Variants in EXOSC3 observed in about 807,000 individuals in gnomAD.
EXOSC3 encodes the protein exosome component 3, also known as exosome complex component RRP40.
A neutral mutation model predicts 25.1 loss-of-function variants in EXOSC3; 18 were observed. The observed-to-expected ratio is 0.72, with a 90% CI of 0.50 to 1.06. EXOSC3 has a LOEUF of 1.06. EXOSC3 is among the 50% of genes least tolerant of loss of function. The pLI, the probability that EXOSC3 is intolerant of heterozygous loss-of-function variation, is 0.00. For missense variants in EXOSC3, 382 were observed against 350.9 expected (o/e 1.09, Z -0.71); for synonymous variants, 165 against 132.2 (o/e 1.25, Z -1.70).
intron 2 of EXOSC3, among the ~76,000 whole-genome samples, chr9:37,783,645 A>G: frequency 6.6e-6 from 1 of 152,240 alleles, no homozygotes; most frequent in East Asian, 1.9e-4. Context: ...TGGCGATGAT[A>G]GATACAACCT....
chr9:37,784,707 G>A lies in EXOSC3; in HGVS notation c.324+14C>T. The A allele has an allele frequency of 6.3e-7, 1 of 1,579,854 alleles. No homozygotes were observed. Among genetic ancestry groups the A allele is most frequent in the Non-Finnish European group, 8.6e-7 (1 of 1,166,068 alleles). ...CTCTCACTGCCGCACCACCCCTCCG[G>A]AGTCCCAGCTCACCCGCTTCTGCTG... is the stretch of plus-strand genomic sequence containing the variant. On this transcript the variant is annotated intron_variant, in intron 1 of 3. Coordinates refer to ENST00000327304, the MANE Select transcript of EXOSC3 (RefSeq NM_016042.4).
intron 1 of EXOSC3, 168 bp downstream of exon 1, chr9:37,784,553 G>T: frequency 1.3e-6 from 1 of 753,894 alleles, no homozygotes; most frequent in Non-Finnish European, 2.1e-6. Flanking sequence ...TGTTCCTATT[G>T]TTCACGGTCC....
At chr9:37,784,263 T>TG (rs774272351) in intron 1 of EXOSC3, 200 bp from the exon 2 acceptor site, 21 of 563,304 alleles carry the variant, frequency 3.7e-5, no homozygotes, top group Non-Finnish European at 6.1e-6. Context: ...CAAACTCCAT[T>TG]ATCTCTTAGG....
intron 3 of EXOSC3, 40 bp downstream of exon 3, chr9:37,781,946 A>T: frequency 6.3e-7 from 1 of 1,579,322 alleles, no homozygotes; most frequent in Non-Finnish European, 8.6e-7. Flanking sequence ...AGAATGTATA[A>T]TTATAAAAAG....
At chr9:37,783,800 C>A in intron 2 of EXOSC3, 114 bp downstream of exon 2, 1 of 1,114,930 alleles carries the variant, frequency 9.0e-7, no homozygotes, top group East Asian at 2.7e-5. Context: ...CAATTATATA[C>A]AAGCTCAGAG....
At position 37,780,793 on chromosome 9, in the gene EXOSC3, C is replaced by T. The variant is rs944335096; in HGVS notation, c.714G>A (p.Trp238Ter). Residue 238 changes from tryptophan (W) to a stop codon, truncating the protein, a stop_gained, in exon 4 of 4, where the codon TGG becomes TGA. Transcript: ENST00000327304. LOFTEE classifies it high-confidence loss of function. ...EIVFGMNGRI[W>*]VKAKTIQQTL... Reference sequence around the variant, plus strand: ...TCTGCTGGATGGTTTTTGCCTTAACCCATATTCTTCCATTCATTCCAAATA... The same window carrying T: ...TCTGCTGGATGGTTTTTGCCTTAACTCATATTCTTCCATTCATTCCAAATA... The T allele has an allele frequency of 6.2e-7, 1 of 1,613,878 alleles. No individual in the cohort carries two copies. The highest frequency in any genetic ancestry group is 8.5e-7 in the Non-Finnish European group (1 of 1,179,932).
intron 3 of EXOSC3, 41 bp from the exon 4 acceptor site, chr9:37,780,921 C>G: frequency 6.5e-7 from 1 of 1,548,280 alleles, no homozygotes; most frequent in Non-Finnish European, 8.8e-7. Flanking sequence ...AATGAAGTGG[C>G]AAAGGTGTGT....
intron 1 of EXOSC3, 183 bp from the exon 2 acceptor site, chr9:37,784,246 T>C: frequency 1.6e-6 from 1 of 611,352 alleles, no homozygotes. Context: ...AGTCTGTTAA[T>C]TGAGTCCAAA....
chr9:37,782,607 A>G (rs1828619860), intron 2 of EXOSC3, among the ~76,000 whole-genome samples: 1 of 152,114 alleles, frequency 6.6e-6, no homozygotes, highest in Non-Finnish European at 1.5e-5. Context: ...AAAGGAAGGA[A>G]CTCCGGCATG....
intron 2 of EXOSC3, among the ~76,000 whole-genome samples, chr9:37,783,374 A>T (rs1373153782): frequency 6.6e-6 from 1 of 152,234 alleles, no homozygotes; most frequent in Non-Finnish European, 1.5e-5. Flanking sequence ...AATAGGATTA[A>T]GCAACTAAAT....
intron 3 of EXOSC3, 29 bp from the exon 4 acceptor site, chr9:37,780,909 TTAATG>T (rs780590438): frequency 2.5e-6 from 4 of 1,590,032 alleles, no homozygotes; most frequent in African/African-American, 1.3e-5. Context: ...AAAATGAAAT[TTAATG>T]AAGTGGCAAA....
rs1178950151 is a variant in EXOSC3, at chr9:37,784,865, G to A, written c.180C>T (p.Cys60=). The change falls in exon 1 of 4, where the codon TGC becomes TGT. Residue 60 remains cysteine (C), a synonymous_variant. Coordinates refer to ENST00000327304, the MANE Select transcript of EXOSC3 (RefSeq NM_016042.4). Reference sequence around the variant, plus strand: ...GACCGCATACAACGCGCACCCGCGAGCACGCTCTAGCATTCAGGCTCAACG... The same window carrying A: ...GACCGCATACAACGCGCACCCGCGAACACGCTCTAGCATTCAGGCTCAACG... ...ERPLSLNARA[C]SRVRVVCGPG... is the part of the protein sequence containing the mutation. 5 of 1,606,846 alleles carry A rather than the reference G, an allele frequency of 3.1e-6. No individual in the cohort carries two copies. Among genetic ancestry groups the A allele is most frequent in the Non-Finnish European group, 4.2e-6 (5 of 1,176,894 alleles).
rs554174087 is a variant in EXOSC3 at position 37,780,613 on chromosome 9, G to A, written c.*66C>T. On this transcript the variant is annotated 3_prime_UTR_variant, in exon 4 of 4. Coordinates refer to ENST00000327304, the MANE Select transcript of EXOSC3 (RefSeq NM_016042.4). ...CCTTATCTTCTGAGTATTTAAATGG[G>A]GGAGGTTCACCTGAAAAAACCCATA... The A allele has an allele frequency of 4.1e-6, 5 of 1,227,066 alleles. No homozygotes were observed. Among genetic ancestry groups the A allele is most frequent in the Non-Finnish European group, 6.0e-6 (5 of 838,914 alleles). 76.0% of individuals were successfully genotyped at this position (1,227,066 alleles called of 1,614,324 possible). A position where few individuals can be genotyped will look rare whatever the true frequency, so the allele number is the denominator to read the frequency against.
intron 1 of EXOSC3, 181 bp downstream of exon 1, chr9:37,784,540 C>T: frequency 1.4e-6 from 1 of 705,054 alleles, no homozygotes. Context: ...CCTTCTCAGG[C>T]TATGTTCCTA....
chr9:37,780,903 T>A (rs756273465), intron 3 of EXOSC3, 23 bp from the exon 4 acceptor site: 1 of 1,595,034 alleles, frequency 6.3e-7, no homozygotes, highest in Admixed American at 1.7e-5. Flanking sequence ...GAAAAGAAAA[T>A]GAAATTTAAT....
rs887970832 is a variant in EXOSC3 at position 37,784,600 on chromosome 9, G to A, written c.324+121C>T. The A allele has an allele frequency of 1.5e-5, 17 of 1,105,458 alleles. No homozygotes were observed. The African/African-American group carries it at 2.5e-4, about 16-fold the overall frequency. The allele number at this position is 1,105,458 out of a possible 1,614,324, so 68.5% of individuals were successfully genotyped here. A position where few individuals can be genotyped will look rare whatever the true frequency, so the allele number is the denominator to read the frequency against. ...ATGCAGAAGTGGGCACAAGACTACG[G>A]TGGCTCTAGGTTTGCCTGAACAAAA... is the stretch of plus-strand genomic sequence containing the variant. On this transcript the variant is annotated intron_variant, in intron 1 of 3. Transcript: ENST00000327304.
At chr9:37,782,158 A>C (rs751894457) in intron 2 of EXOSC3, 21 bp from the exon 3 acceptor site, 2 of 1,612,586 alleles carry the variant, frequency 1.2e-6, no homozygotes, top group East Asian at 4.5e-5. Flanking sequence ...ATTAAAAACC[A>C]GTTCATTTCC....
chr9:37,782,081 C>T lies in EXOSC3; in HGVS notation c.531G>A (p.Glu177=). The change falls in exon 3 of 4, where the codon GAG becomes GAA. Residue 177 remains glutamate (E), a synonymous_variant. Coordinates refer to ENST00000327304, the MANE Select transcript of EXOSC3 (RefSeq NM_016042.4). ...GTCCACAGCTGTCAATACAGACCAT[C>T]TCTGGTTCCATGTCTTTATTAGCAA... is the stretch of plus-strand genomic sequence containing the variant. ...FVVANKDMEP[E]MVCIDSCGRA... 1 of 1,614,144 alleles carries T rather than the reference C, an allele frequency of 6.2e-7. No homozygotes were observed.
Position 37,779,905 on chromosome 9 carries a change from T to G in EXOSC3, c.*774A>C, listed in dbSNP as rs556227164. 6.6e-6 allele frequency: 1 copy of G among 152,156 alleles called. No homozygotes were observed. Among genetic ancestry groups the G allele is most frequent in the Non-Finnish European group, 1.5e-5 (1 of 68,022 alleles). The allele number at this position is 152,156 out of a possible 1,614,324, so 9.4% of individuals were successfully genotyped here. ...AATATACTAAATAGCATAGAAGAGT[T>G]TTCTATGCTTAGCTCCTAGGAAATG... On this transcript the variant is annotated 3_prime_UTR_variant, in exon 4 of 4. Transcript: ENST00000327304.
Sources: gnomAD v4.1 joint callset for allele counts (sites outside exome capture counted in the v4.1 genomes callset) on GRCh38, gnomAD v4.1.1 for gene constraint, MANE v1.5 for transcripts, NCBI Gene and HGNC (gene_info 2026-07-23, HGNC 2026-07-21) for gene names.